ZDHHC15: variants seen among roughly 807,000 people sequenced by gnomAD.
The protein encoded by ZDHHC15 is palmitoyltransferase ZDHHC15.
Under a neutral mutation model 31.7 loss-of-function variants are expected in ZDHHC15, and 19 were observed. That is an observed-to-expected ratio of 0.60 (90% confidence interval 0.42 to 0.88). The LOEUF (loss-of-function observed/expected upper bound fraction) is 0.88. Among genes scored for constraint, ZDHHC15 ranks in the 40% least tolerant of loss-of-function variants. ZDHHC15 has a pLI of 0.00. For missense variants in ZDHHC15, 209 were observed against 251.2 expected, an observed-to-expected ratio of 0.83 and a Z score of 1.14; for synonymous variants, 103 against 90.0, an observed-to-expected ratio of 1.14 and a Z score of -0.82.
chrX:75,500,553 A>C (rs2085073199), intron 2 of ZDHHC15, among the ~76,000 whole-genome samples: 1 of 109,494 alleles, frequency 9.1e-6, no homozygotes, highest in Non-Finnish European at 1.9e-5. Flanking sequence ...GCAGTTGTCT[A>C]TGAATAGTGA....
At chrX:75,439,791 A>G (rs2083913019) in intron 4 of ZDHHC15, among the ~76,000 whole-genome samples, 1 of 111,422 alleles carries the variant, frequency 9.0e-6, no homozygotes, top group Admixed American at 9.6e-5. Context: ...TCATTTGGGT[A>G]GACTATGTCA....
intron 10 of ZDHHC15, among the ~76,000 whole-genome samples, chrX:75,412,801 T>C (rs1305779776): frequency 9.0e-6 from 1 of 111,660 alleles, no homozygotes; most frequent in East Asian, 2.8e-4. Flanking sequence ...AGGATAATGT[T>C]AAGTGGTATA....
At chrX:75,387,314 T>C (rs913771877) in intron 10 of ZDHHC15, among the ~76,000 whole-genome samples, 2 of 111,729 alleles carry the variant, frequency 1.8e-5, no homozygotes, top group Non-Finnish European at 3.8e-5. Context: ...CCTTCCCAAA[T>C]GGACAAATCA....
intron 4 of ZDHHC15, among the ~76,000 whole-genome samples, chrX:75,443,647 C>T (rs1293887645): frequency 9.0e-6 from 1 of 111,718 alleles, no homozygotes; most frequent in Admixed American, 9.5e-5. Flanking sequence ...AGCTTCTGCA[C>T]AGCAAAAGAA....
At chrX:75,492,252 C>T (rs978743264) in intron 2 of ZDHHC15, among the ~76,000 whole-genome samples, 3 of 111,253 alleles carry the variant, frequency 2.7e-5, no homozygotes, top group African/African-American at 9.8e-5. Context: ...ATATATGAAC[C>T]CAATACAGGA....
intron 10 of ZDHHC15, 56 bp downstream of exon 10, chrX:75,417,031 C>T (rs2083556406): frequency 1.0e-6 from 1 of 956,901 alleles, no homozygotes; most frequent in Non-Finnish European, 1.5e-6. Context: ...ACTATTTACT[C>T]ACCACATTAC....
intron 1 of ZDHHC15, among the ~76,000 whole-genome samples, chrX:75,506,282 TAAACAAACA>T (rs1013108665): frequency 8.9e-6 from 1 of 111,771 alleles, no homozygotes; most frequent in Non-Finnish European, 1.9e-5. Flanking sequence ...GCCATGTTGG[TAAACAAACA>T]AAACAAACAA....
chrX:75,379,011 A>G (rs2083087917), intron 11 of ZDHHC15, 109 bp downstream of exon 11: 3 of 572,576 alleles, frequency 5.2e-6, no homozygotes, highest in Non-Finnish European at 8.3e-6. Context: ...TGAAGAATTT[A>G]AAATCTTTTT....
chrX:75,502,046 G>C (rs966369759), intron 2 of ZDHHC15: 6 of 111,909 alleles, frequency 5.4e-5, no homozygotes, highest in African/African-American at 9.7e-5. Context: ...TAATATTCTT[G>C]TATCAGTTTG....
At chrX:75,422,225 T>C (rs1247739765) in intron 8 of ZDHHC15, among the ~76,000 whole-genome samples, 1 of 111,788 alleles carries the variant, frequency 8.9e-6, no homozygotes, top group Non-Finnish European at 1.9e-5. Context: ...AGAACTCTCT[T>C]TTTAAAAGAC....
intron 4 of ZDHHC15, among the ~76,000 whole-genome samples, chrX:75,450,023 A>G (rs1206807549): frequency 1.8e-5 from 2 of 112,067 alleles, no homozygotes; most frequent in Admixed American, 9.6e-5. Context: ...ACTCATAATA[A>G]CTAAACACTA....
intron 2 of ZDHHC15, among the ~76,000 whole-genome samples, chrX:75,484,408 C>T (rs993949863): frequency 8.9e-5 from 10 of 112,007 alleles, no homozygotes; most frequent in Non-Finnish European, 1.9e-4. Flanking sequence ...TAAACAGACA[C>T]TTCGCATTAG....
chrX:75,396,959 T>A (rs2083304900), intron 10 of ZDHHC15, among the ~76,000 whole-genome samples: 1 of 110,822 alleles, frequency 9.0e-6, no homozygotes, highest in Non-Finnish European at 1.9e-5. Flanking sequence ...TTGATGGAGA[T>A]AGAGGGTATA....
At chrX:75,489,193 G>A (rs1009402586) in intron 2 of ZDHHC15, among the ~76,000 whole-genome samples, 56 of 112,080 alleles carry the variant, frequency 5.0e-4, no homozygotes, top group Admixed American at 4.6e-3. Context: ...AAAGGCAGCA[G>A]AATCCTCTGC....
At chrX:75,410,329 A>G (rs2083470941) in intron 10 of ZDHHC15, among the ~76,000 whole-genome samples, 1 of 111,194 alleles carries the variant, frequency 9.0e-6, no homozygotes, top group South Asian at 3.8e-4. Context: ...AGGATTTATA[A>G]CCAGAATATA....
intron 10 of ZDHHC15, among the ~76,000 whole-genome samples, chrX:75,389,165 A>G (rs1346249796): frequency 2.7e-5 from 3 of 111,485 alleles, no homozygotes; most frequent in Admixed American, 1.9e-4. Flanking sequence ...ACATTTAGAC[A>G]AGCCCTAATC....
chrX:75,400,121 C>G lies in ZDHHC15; in HGVS notation c.967+16966G>C, dbSNP rs745621029. 3.6e-5 allele frequency among the ~76,000 whole-genome samples: 4 copies of G among 111,286 alleles called. No homozygotes were observed. In the East Asian group the frequency reaches 1.1e-3, roughly 31 times the overall value. ...AACTTCTCCCAAAAGAGTGTTTAAC[C>G]AGGCTGAACTGGCTGGAATGACAGA... On this transcript the variant is annotated intron_variant, in intron 10 of 11. Transcript: ENST00000373367.
intron 3 of ZDHHC15, among the ~76,000 whole-genome samples, chrX:75,472,804 G>C (rs1166293737): frequency 8.9e-6 from 1 of 111,932 alleles, no homozygotes; most frequent in Admixed American, 9.4e-5. Flanking sequence ...CACCACGGTC[G>C]ACCTGGCTAT....
In ZDHHC15 at chrX:75,369,011, G is replaced by A; in HGVS notation, c.*3967C>T. The A allele has an allele frequency of 9.0e-6, 1 of 111,629 alleles. No homozygotes were observed. The highest frequency in any genetic ancestry group is 2.8e-4 in the East Asian group (1 of 3,544). The allele number at this position is 111,629 out of a possible 1,213,427, so 9.2% of individuals were successfully genotyped here. On this transcript the variant is annotated 3_prime_UTR_variant, in exon 12 of 12. Transcript: ENST00000373367. ...TTACAGCTATGGTTAAAGAAATGCA[G>A]ATGTACCATACCTCATCAACCAATT...
Sources: gnomAD v4.1 joint callset for allele counts (sites outside exome capture counted in the v4.1 genomes callset) on GRCh38, gnomAD v4.1.1 for gene constraint, MANE v1.5 for transcripts, NCBI Gene and HGNC (gene_info 2026-07-23, HGNC 2026-07-21) for gene names.